The following CSMD3 variants were observed in gnomAD, a reference collection of about 807,000 sequenced individuals.
CSMD3 encodes CUB and sushi domain-containing protein 3.
CSMD3 carries 177 observed loss-of-function variants against 435.2 expected under a neutral mutation model. The observed-to-expected ratio is 0.41, with a 90% CI of 0.36 to 0.46. CSMD3 has a LOEUF of 0.46. CSMD3 is among the 20% of genes least tolerant of loss of function. The pLI, the probability that CSMD3 is intolerant of heterozygous loss-of-function variation, is 0.34. For missense variants in CSMD3, 4,265 were observed against 4,504.6 expected (o/e 0.95, Z 1.52); for synonymous variants, 1,656 against 1,520.5 (o/e 1.09, Z -2.07).
intron 53 of CSMD3, 63 bp downstream of exon 53, chr8:112,301,730 A>G (rs192861924): frequency 1.0e-5 from 12 of 1,197,116 alleles, no homozygotes; most frequent in Non-Finnish European, 1.5e-5. Flanking sequence ...GGAAAAAGAG[A>G]TGCCTCTTTT....
At chr8:113,275,466 G>T (rs1349888340) in intron 3 of CSMD3, among the ~76,000 whole-genome samples, 1 of 152,008 alleles carries the variant, frequency 6.6e-6, no homozygotes, top group Admixed American at 6.6e-5. Flanking sequence ...GTGGGGCCAA[G>T]AATTCTAGAT....
intron 64 of CSMD3, 125 bp downstream of exon 64, chr8:112,246,893 AAT>A (rs1814787504): frequency 4.1e-6 from 3 of 733,182 alleles, no homozygotes; most frequent in South Asian, 3.1e-5. Flanking sequence ...ATATGCATAT[AAT>A]ATGTTTTATA....
At chr8:112,583,468 A>G (rs1400926082) in intron 23 of CSMD3, among the ~76,000 whole-genome samples, 1 of 151,994 alleles carries the variant, frequency 6.6e-6, no homozygotes, top group Non-Finnish European at 1.5e-5. Flanking sequence ...TGTGAACATT[A>G]AAGGATTTTT....
chr8:113,183,720 A>G (rs981840381), intron 3 of CSMD3, among the ~76,000 whole-genome samples: 1 of 151,976 alleles, frequency 6.6e-6, no homozygotes, highest in African/African-American at 2.4e-5. Context: ...ATAATGTCTT[A>G]CTTGTTTACA....
In CSMD3 at chr8:112,541,517, T is replaced by C. The variant is rs577899301; in HGVS notation, c.4564+9154A>G. 2.0e-5 allele frequency among the ~76,000 whole-genome samples: 3 copies of C among 151,894 alleles called. No individual in the cohort carries two copies. In the South Asian group the frequency reaches 6.2e-4, roughly 32 times the overall value. The stretch of plus-strand genomic sequence containing the variant: ...TAACTTAGGAAAAAAAGTGGACACA[T>C]TTATAGAAATATACAGTCTACCAAG... On this transcript the variant is annotated intron_variant, in intron 27 of 70. Transcript: ENST00000297405.
In CSMD3 at chr8:112,650,280, T is replaced by C. The variant is rs1481906651; in HGVS notation, c.3074A>G (p.Asp1025Gly). Residue 1025 changes from aspartate to glycine, a missense_variant, in exon 19 of 71, where the codon GAT becomes GGT. Around this residue, in one of 3 missense-constraint regions of CSMD3, gnomAD observed 3,255 missense variants for 3,380.2 expected, o/e 0.96. Coordinates refer to ENST00000297405, the MANE Select transcript of CSMD3 (RefSeq NM_198123.2). The stretch of plus-strand genomic sequence containing the variant: ...TGAAACAGTAGAGCCAATGGAGAAA[T>C]CATGACCATAGCGACGGCCATGTAC... Reference protein sequence around the residue: ...IPVHGRRYGHDFSIGSTVSFS... With the variant: ...IPVHGRRYGHGFSIGSTVSFS... 6 of 1,613,552 alleles carry C rather than the reference T, an allele frequency of 3.7e-6. No homozygotes were observed. Among genetic ancestry groups the C allele is most frequent in the African/African-American group, 1.3e-5 (1 of 74,858 alleles).
chr8:113,078,652 G>A (rs1180277430), intron 5 of CSMD3, among the ~76,000 whole-genome samples: 3 of 152,160 alleles, frequency 2.0e-5, no homozygotes, highest in Non-Finnish European at 4.4e-5. Flanking sequence ...ACACCCACAT[G>A]AGCTTTTAAT....
intron 50 of CSMD3, chr8:112,310,107 C>T (rs1821825757): frequency 6.6e-6 from 1 of 152,142 alleles, no homozygotes; most frequent in African/African-American, 2.4e-5. Flanking sequence ...TTTTCAAAGT[C>T]CAATGACATT....
At chr8:112,437,340 A>G (rs199745535) in intron 32 of CSMD3, among the ~76,000 whole-genome samples, 1 of 152,278 alleles carries the variant, frequency 6.6e-6, no homozygotes, top group East Asian at 1.9e-4. Context: ...ATGTCATAAA[A>G]AGTAAGAGTA....
intron 7 of CSMD3, among the ~76,000 whole-genome samples, chr8:112,957,965 G>A (rs1282717613): frequency 1.3e-5 from 2 of 152,124 alleles, no homozygotes; most frequent in East Asian, 1.9e-4. Context: ...GGCTGGTCTC[G>A]ATCTCTTGAC....
chr8:112,268,760 C>A (rs1428757919), intron 59 of CSMD3, among the ~76,000 whole-genome samples: 1 of 152,086 alleles, frequency 6.6e-6, no homozygotes, highest in Non-Finnish European at 1.5e-5. Context: ...AGCTTCAAGC[C>A]CAGAACAGAG....
intron 1 of CSMD3, among the ~76,000 whole-genome samples, chr8:113,340,788 G>T (rs2132842413): frequency 6.6e-6 from 1 of 151,806 alleles, no homozygotes; most frequent in East Asian, 2.0e-4. Flanking sequence ...AGAATCGCTT[G>T]AGCTTGGAAG....
At chr8:113,216,157 T>TA (rs920493304) in intron 3 of CSMD3, among the ~76,000 whole-genome samples, 20 of 151,676 alleles carry the variant, frequency 1.3e-4, no homozygotes, top group African/African-American at 4.6e-4. Flanking sequence ...TTCAAAAATC[T>TA]AAAAAAAATC....
chr8:112,300,103 A>T (rs1183588125), intron 53 of CSMD3, among the ~76,000 whole-genome samples: 2 of 148,082 alleles, frequency 1.4e-5, no homozygotes, highest in African/African-American at 2.4e-5. Flanking sequence ...TATATTTTAA[A>T]TATGGTTCAT....
chr8:112,618,489 A>C (rs1833821034), intron 22 of CSMD3, among the ~76,000 whole-genome samples: 1 of 152,032 alleles, frequency 6.6e-6, no homozygotes, highest in Non-Finnish European at 1.5e-5. Flanking sequence ...TATGCCTTGG[A>C]TGCCTGGGTT....
intron 3 of CSMD3, among the ~76,000 whole-genome samples, chr8:113,247,678 A>G (rs138713185): frequency 0.011 from 1,695 of 152,238 alleles, 17 homozygotes; most frequent in Non-Finnish European, 0.018. Flanking sequence ...TGGTTGTCAT[A>G]AATTTCAAAG....
chr8:112,502,304 C>T (rs1822048435), intron 30 of CSMD3, among the ~76,000 whole-genome samples: 1 of 152,162 alleles, frequency 6.6e-6, no homozygotes, highest in African/African-American at 2.4e-5. Context: ...CAGCCAACAC[C>T]CCAAACCTCA....
At chr8:112,593,284 G>C (rs1260333728) in intron 22 of CSMD3, among the ~76,000 whole-genome samples, 1 of 152,082 alleles carries the variant, frequency 6.6e-6, no homozygotes, top group African/African-American at 2.4e-5. Flanking sequence ...TTGTAGTCTT[G>C]GGTTACTAGA....
At chr8:112,498,705 G>GTTTC (rs915981946) in intron 30 of CSMD3, among the ~76,000 whole-genome samples, 6 of 151,938 alleles carry the variant, frequency 3.9e-5, no homozygotes, top group African/African-American at 9.7e-5. Flanking sequence ...TTGTTAAAAG[G>GTTTC]TTTCTTTCTT....
Sources: allele counts gnomAD v4.1 joint callset (sites outside exome capture counted in the v4.1 genomes callset), GRCh38; gene constraint gnomAD v4.1.1; regional missense constraint gnomAD v4.1.1; transcripts MANE v1.5; gene names NCBI Gene and HGNC (gene_info 2026-07-23, HGNC 2026-07-21).